The following TCF7L1 variants were observed in gnomAD, a reference collection of about 807,000 sequenced individuals.
The protein encoded by TCF7L1 is transcription factor 7-like 1.
TCF7L1 carries 18 observed loss-of-function variants against 63.7 expected under a neutral mutation model. That is an observed-to-expected ratio of 0.28 (90% CI 0.20 to 0.42). TCF7L1 has a LOEUF of 0.42. Ranked by LOEUF, TCF7L1 falls within the 10% of genes least tolerant of loss-of-function variation. The pLI is 1.00. For synonymous variants in TCF7L1, 355 were observed against 340.9 expected (o/e 1.04, Z -0.46); for missense variants, 654 against 779.3 (o/e 0.84, Z 1.91).
Position 85,134,139 on chromosome 2 carries a change from C to G in TCF7L1, c.313+60C>G, listed in dbSNP as rs1574072635. Reference sequence around the variant, plus strand: ...TTCCCGCTGCGCTCCGCTGCTCAGCCCGGGCGGCCCACCGTCCCCCTTGCT... The same window carrying G: ...TTCCCGCTGCGCTCCGCTGCTCAGCGCGGGCGGCCCACCGTCCCCCTTGCT... On this transcript the variant is annotated intron_variant, in intron 2 of 11. Transcript: ENST00000282111. The surrounding 1 kb of genome is among the most constrained non-coding windows in gnomAD (Gnocchi z 5.0). 1 of 1,582,066 alleles carries G rather than the reference C, an allele frequency of 6.3e-7. No individual in the cohort carries two copies. The highest frequency in any genetic ancestry group is 2.3e-5 in the East Asian group (1 of 43,232).
rs139349899 is a variant in TCF7L1, at chr2:85,164,844, T to C, written c.441+30394T>C. The stretch of plus-strand genomic sequence containing the variant: ...GTTAATTTTTTACAGTGTGGTAGAG[T>C]CATTGTAAATGTCTTGATATACTGT... On this transcript the variant is annotated intron_variant, in intron 3 of 11. Coordinates refer to ENST00000282111, the MANE Select transcript of TCF7L1 (RefSeq NM_031283.3). Among the ~76,000 whole-genome samples, 739 of 152,302 alleles carry C rather than the reference T, an allele frequency of 4.9e-3. 5 individuals carry two copies. Among genetic ancestry groups the C allele is most frequent in the Non-Finnish European group, 6.7e-3 (456 of 68,028 alleles).
chr2:85,153,340 A>ATGTTTTTTTTT (rs750002994), intron 3 of TCF7L1, among the ~76,000 whole-genome samples: 1 of 102,306 alleles, frequency 9.8e-6, no homozygotes, highest in Admixed American at 1.2e-4. Flanking sequence ...GCCTTTATAA[A>ATGTTTTTTTTT]TTTTTTTTTT....
At chr2:85,215,621 G>T (rs1276839155) in intron 3 of TCF7L1, among the ~76,000 whole-genome samples, 1 of 152,174 alleles carries the variant, frequency 6.6e-6, no homozygotes, top group Non-Finnish European at 1.5e-5. Context: ...ATGGCCGGGG[G>T]TGGGAGCACT....
intron 3 of TCF7L1, among the ~76,000 whole-genome samples, chr2:85,261,123 G>GGTGTGT (rs3223762): frequency 0.035 from 3,677 of 106,578 alleles, 66 homozygotes; most frequent in Non-Finnish European, 0.052. Context: ...AATTATTGCT[G>GGTGTGT]GTGTGTGTGT....
intron 3 of TCF7L1, among the ~76,000 whole-genome samples, chr2:85,239,944 T>TAAAAA (rs11337671): frequency 1.1e-4 from 12 of 104,372 alleles, no homozygotes; most frequent in African/African-American, 4.2e-4. Flanking sequence ...AGACTCCATC[T>TAAAAA]AAAAAAAAAA....
intron 4 of TCF7L1, among the ~76,000 whole-genome samples, chr2:85,291,560 AGTTTTGGTTTTG>A (rs112277726): frequency 0.013 from 1,772 of 134,854 alleles, 41 homozygotes; most frequent in African/African-American, 0.047. Flanking sequence ...TTTTGGTTTT[AGTTTTGGTTTTG>A]GTTTTGGTTT....
At chr2:85,248,860 G>A (rs1680527068) in intron 3 of TCF7L1, among the ~76,000 whole-genome samples, 1 of 152,170 alleles carries the variant, frequency 6.6e-6, no homozygotes, top group South Asian at 2.1e-4. Context: ...CTGGCCTGAG[G>A]ATTGACATTT....
chr2:85,198,280 G>C (rs1679200964), intron 3 of TCF7L1, among the ~76,000 whole-genome samples: 1 of 152,222 alleles, frequency 6.6e-6, no homozygotes, highest in Admixed American at 6.5e-5. Context: ...AAGTGGGATA[G>C]GGGAGCCAGG....
At chr2:85,206,779 T>G (rs1305004222) in intron 3 of TCF7L1, among the ~76,000 whole-genome samples, 1 of 152,152 alleles carries the variant, frequency 6.6e-6, no homozygotes, top group African/African-American at 2.4e-5. Context: ...TAATCAAAAG[T>G]GTTGCACATA....
intron 3 of TCF7L1, among the ~76,000 whole-genome samples, chr2:85,155,689 TA>T: frequency 6.6e-6 from 1 of 152,210 alleles, no homozygotes; most frequent in Non-Finnish European, 1.5e-5. Flanking sequence ...TTAACTAATT[TA>T]AAGATGAGGC....
At chr2:85,157,874 C>T (rs2104215116) in intron 3 of TCF7L1, among the ~76,000 whole-genome samples, 1 of 152,306 alleles carries the variant, frequency 6.6e-6, no homozygotes, top group African/African-American at 2.4e-5. Flanking sequence ...CTCCCTCCTT[C>T]CCTCCTTAAG....
At position 85,134,288 on chromosome 2, in the gene TCF7L1, G is replaced by A; in HGVS notation, c.314-35G>A. On this transcript the variant is annotated intron_variant, in intron 2 of 11. Coordinates refer to ENST00000282111, the MANE Select transcript of TCF7L1 (RefSeq NM_031283.3). The surrounding 1 kb of genome is among the most constrained non-coding windows in gnomAD (Gnocchi z 5.0). ...TGCCGCGGCGCTGTCAGTCCCGGGG[G>A]CCTGGGCCTCACCTCGCCTTGGTCT... 1 of 1,558,860 alleles carries A rather than the reference G, an allele frequency of 6.4e-7. No homozygotes were observed. The highest frequency in any genetic ancestry group is 8.7e-7 in the Non-Finnish European group (1 of 1,151,296).
rs1475269240 is a variant in TCF7L1, at chr2:85,309,637, G to A, written c.*175G>A. On this transcript the variant is annotated 3_prime_UTR_variant, in exon 12 of 12. Coordinates refer to ENST00000282111, the MANE Select transcript of TCF7L1 (RefSeq NM_031283.3). ...GATGTAACCAGTAGCTGATCTTAAGGCTTTTTTAAAAAACAAAACAAAACA... is the reference window on the plus strand; with the variant it reads ...GATGTAACCAGTAGCTGATCTTAAGACTTTTTTAAAAAACAAAACAAAACA... 3.7e-6 allele frequency: 2 copies of A among 539,608 alleles called. No individual in the cohort carries two copies. Among genetic ancestry groups the A allele is most frequent in the Non-Finnish European group, 5.9e-6 (2 of 337,578 alleles). 33.4% of individuals were successfully genotyped at this position (539,608 alleles called of 1,614,324 possible). A position where few individuals can be genotyped will look rare whatever the true frequency, so the allele number is the denominator to read the frequency against.
rs775877564 is a variant in TCF7L1, at chr2:85,133,987, C to A, written c.250-29C>A. 2 of 1,600,780 alleles carry A rather than the reference C, an allele frequency of 1.2e-6. No individual in the cohort carries two copies. Among genetic ancestry groups the A allele is most frequent in the Non-Finnish European group, 1.7e-6 (2 of 1,172,748 alleles). ...GGATCCCGGCCCTGCGTCCGCTCAC[C>A]CGCTCTTGCCTTTGTGTCTCCTCCG... On this transcript the variant is annotated intron_variant, in intron 1 of 11. Coordinates refer to ENST00000282111, the MANE Select transcript of TCF7L1 (RefSeq NM_031283.3). This position sits in a 1 kb window ranked among gnomAD's most constrained non-coding sequence, Gnocchi z 4.4.
chr2:85,197,592 AT>A lies in TCF7L1; in HGVS notation c.441+63151del, dbSNP rs957631864. On this transcript the variant is annotated intron_variant, in intron 3 of 11. Transcript: ENST00000282111. ...CTACCACTTATCTGTGGAAATTAAG[AT>A]TTTTTTTTGGTTCTCTGCAATCAAA... Among the ~76,000 whole-genome samples, 11 of 151,928 alleles carry A rather than the reference AT, an allele frequency of 7.2e-5. No homozygotes were observed. The East Asian group carries it at 7.7e-4, about 11-fold the overall frequency.
chr2:85,221,047 A>C (rs1478150928), intron 3 of TCF7L1, among the ~76,000 whole-genome samples: 1 of 152,220 alleles, frequency 6.6e-6, no homozygotes, highest in Non-Finnish European at 1.5e-5. Context: ...ATTGTTACGC[A>C]CTCAGGTACT....
intron 3 of TCF7L1, among the ~76,000 whole-genome samples, chr2:85,149,682 A>C (rs1677964027): frequency 6.6e-6 from 1 of 151,954 alleles, no homozygotes; most frequent in Non-Finnish European, 1.5e-5. Flanking sequence ...CTGTCATTAC[A>C]CCTGGCTAAT....
rs541525949 is a variant in TCF7L1, at chr2:85,272,034, C to G, written c.442-11461C>G. On this transcript the variant is annotated intron_variant, in intron 3 of 11. Transcript: ENST00000282111. ...ACCTGCCGATGTGGTTTGCAGCCCA[C>G]TACCACCCCTTTCAAACCGGGTTGC... Among the ~76,000 whole-genome samples, 3 of 152,318 alleles carry G rather than the reference C, an allele frequency of 2.0e-5. No homozygotes were observed. The South Asian group carries it at 6.2e-4, about 32-fold the overall frequency.
chr2:85,242,156 A>G (rs187534274), intron 3 of TCF7L1, among the ~76,000 whole-genome samples: 21 of 152,292 alleles, frequency 1.4e-4, no homozygotes, highest in African/African-American at 5.1e-4. Context: ...GCATTTACCT[A>G]CAAGGCCCCA....
Sources: allele counts gnomAD v4.1 joint callset (sites outside exome capture counted in the v4.1 genomes callset), GRCh38; gene constraint gnomAD v4.1.1; non-coding constraint Gnocchi (gnomAD v3.1); transcripts MANE v1.5; gene names NCBI Gene and HGNC (gene_info 2026-07-23, HGNC 2026-07-21).